MIB1: variants seen among roughly 807,000 people sequenced by gnomAD.
MIB1 encodes the protein MIB E3 ubiquitin protein ligase 1.
A neutral mutation model predicts 124.5 loss-of-function variants in MIB1; 278 were observed. The ratio of observed to expected loss-of-function variants is 2.23; its 90% CI spans 2.02 to 2.47. MIB1 has a LOEUF of 2.47. MIB1 is among the 30% of genes most tolerant of loss of function. The pLI is 0.00. For synonymous variants in MIB1, 446 were observed against 429.4 expected (o/e 1.04, Z -0.48); for missense variants, 957 against 1,254.4 (o/e 0.76, Z 3.58).
At chr18:21,716,724 C>T (rs965621142) in intron 1 of MIB1, among the ~76,000 whole-genome samples, 28 of 152,066 alleles carry the variant, frequency 1.8e-4, no homozygotes, top group African/African-American at 5.8e-4. Flanking sequence ...TGGTGGCGGG[C>T]GCCTATAGTC....
intron 4 of MIB1, among the ~76,000 whole-genome samples, chr18:21,775,805 T>G (rs2041278646): frequency 6.6e-6 from 1 of 152,328 alleles, no homozygotes; most frequent in Non-Finnish European, 1.5e-5. Context: ...GTGCCATTAT[T>G]TATTTAATGA....
rs1555689079 is a variant in MIB1, at chr18:21,765,766, T to C, written c.230-6T>C. On this transcript the variant is annotated splice_polypyrimidine_tract_variant and splice_region_variant and intron_variant, in intron 1 of 20. Coordinates refer to ENST00000261537, the MANE Select transcript of MIB1 (RefSeq NM_020774.4). ...TTAATCTGAGCATGTGTCCTTGTTT[T>C]AATAGGCATCAAGCATGATGGAACC... is the stretch of plus-strand genomic sequence containing the variant. 2 of 1,611,532 alleles carry C rather than the reference T, an allele frequency of 1.2e-6. No individual in the cohort carries two copies. The highest frequency in any genetic ancestry group is 1.7e-6 in the Non-Finnish European group (2 of 1,178,260).
intron 1 of MIB1, among the ~76,000 whole-genome samples, chr18:21,714,258 T>C (rs1310769290): frequency 3.3e-5 from 5 of 151,864 alleles, no homozygotes; most frequent in African/African-American, 1.2e-4. Flanking sequence ...ATTAGCAGAG[T>C]TGTGAATTGT....
At chr18:21,798,706 G>A (rs1367309749) in intron 8 of MIB1, among the ~76,000 whole-genome samples, 5 of 151,780 alleles carry the variant, frequency 3.3e-5, no homozygotes, top group Admixed American at 2.0e-4. Flanking sequence ...ACATGCTACC[G>A]TGACTAGAAA....
At chr18:21,755,923 G>A (rs1237229525) in intron 1 of MIB1, among the ~76,000 whole-genome samples, 1 of 152,182 alleles carries the variant, frequency 6.6e-6, no homozygotes, top group African/African-American at 2.4e-5. Context: ...AACAAGAAAT[G>A]GAGCAGAGAC....
chr18:21,819,434 G>T (rs1598626224), intron 11 of MIB1, 61 bp from the exon 12 acceptor site: 2 of 1,040,876 alleles, frequency 1.9e-6, no homozygotes, highest in Non-Finnish European at 2.8e-6. Flanking sequence ...TTTGGTGTAA[G>T]TATTACTATT....
At chr18:21,809,353 C>A (rs1455022431) in intron 10 of MIB1, among the ~76,000 whole-genome samples, 1 of 152,080 alleles carries the variant, frequency 6.6e-6, no homozygotes, top group Non-Finnish European at 1.5e-5. Flanking sequence ...AACTAATATT[C>A]TTTCTCAAAC....
chr18:21,740,582 A>G (rs548698266), upstream of MIB1, among the ~76,000 whole-genome samples: 22 of 152,374 alleles, frequency 1.4e-4, no homozygotes, highest in African/African-American at 5.0e-4. Context: ...ACAGCCGCAC[A>G]GCTCCAGCAG....
chr18:21,807,634 G>A (rs1475334282), intron 10 of MIB1, among the ~76,000 whole-genome samples: 1 of 152,170 alleles, frequency 6.6e-6, no homozygotes, highest in East Asian at 1.9e-4. Flanking sequence ...GGGTGGAGGA[G>A]GTACAGCTGA....
intron 1 of MIB1, among the ~76,000 whole-genome samples, chr18:21,708,079 C>T (rs955332445): frequency 2.0e-5 from 3 of 152,160 alleles, no homozygotes; most frequent in South Asian, 2.1e-4. Flanking sequence ...TCCCAAAAGC[C>T]GTGCCTCCTA....
chr18:21,844,241 A>AT lies in MIB1; in HGVS notation c.2200dup (p.Ser734PhefsTer32). ...GGAAGGTGGATGCTGCCTGGGAGCCATCCAAAAACACGGTGAGTAAAGATC... is the reference window on the plus strand; with the variant it reads ...GGAAGGTGGATGCTGCCTGGGAGCCATTCCAAAAACACGGTGAGTAAAGATC... On this transcript the variant is annotated frameshift_variant, in exon 15 of 21. Transcript: ENST00000261537. LOFTEE classifies it high-confidence loss of function. The AT allele has an allele frequency of 6.2e-7, 1 of 1,614,160 alleles. No individual in the cohort carries two copies. The highest frequency in any genetic ancestry group is 8.5e-7 in the Non-Finnish European group (1 of 1,180,006).
At chr18:21,791,217 A>G (rs945278268) in intron 6 of MIB1, 157 bp from the exon 7 acceptor site, 2 of 493,998 alleles carry the variant, frequency 4.0e-6, no homozygotes, top group African/African-American at 2.0e-5. Context: ...CAAACAATGT[A>G]TCAATATATA....
chr18:21,846,429 A>G (rs2042134960), intron 15 of MIB1, among the ~76,000 whole-genome samples: 1 of 152,218 alleles, frequency 6.6e-6, no homozygotes, highest in Non-Finnish European at 1.5e-5. Flanking sequence ...ACATAAGATG[A>G]TGAGAAGAAT....
At chr18:21,804,523 A>C (rs2041682858) in intron 10 of MIB1, among the ~76,000 whole-genome samples, 1 of 152,248 alleles carries the variant, frequency 6.6e-6, no homozygotes, top group African/African-American at 2.4e-5. Context: ...TTTAGAATAT[A>C]TTCTTATAAA....
intron 12 of MIB1, among the ~76,000 whole-genome samples, chr18:21,820,175 A>G (rs1461973329): frequency 6.6e-6 from 1 of 152,206 alleles, no homozygotes; most frequent in African/African-American, 2.4e-5. Flanking sequence ...TTGGAGAATC[A>G]CATTCTTTAT....
chr18:21,773,569 C>A, intron 3 of MIB1, 55 bp from the exon 4 acceptor site: 1 of 1,102,180 alleles, frequency 9.1e-7, no homozygotes. Flanking sequence ...ATTAAAAGAA[C>A]TAAGCTCTTC....
intron 19 of MIB1, among the ~76,000 whole-genome samples, chr18:21,857,694 G>T (rs2042241437): frequency 6.6e-6 from 1 of 152,160 alleles, no homozygotes; most frequent in Non-Finnish European, 1.5e-5. Context: ...GTAACTATAG[G>T]TAAACAAAAA....
At chr18:21,829,174 T>C (rs2041955979) in intron 12 of MIB1, 1 of 385,046 alleles carries the variant, frequency 2.6e-6, no homozygotes, top group Admixed American at 4.1e-5. Flanking sequence ...TGTAGAGCAA[T>C]GGTAAATCAT....
chr18:21,817,403 G>T (rs1432251954), intron 11 of MIB1, among the ~76,000 whole-genome samples: 1 of 152,086 alleles, frequency 6.6e-6, no homozygotes, highest in East Asian at 1.9e-4. Context: ...GGGATTACCG[G>T]TGTGAGCCAC....
Sources: gnomAD v4.1 joint callset for allele counts (sites outside exome capture counted in the v4.1 genomes callset) on GRCh38, gnomAD v4.1.1 for gene constraint, MANE v1.5 for transcripts, NCBI Gene and HGNC (gene_info 2026-07-23, HGNC 2026-07-21) for gene names.